WNT7B: variants seen among roughly 807,000 people sequenced by gnomAD.
WNT7B encodes protein Wnt-7b.
Under a neutral mutation model 38.2 loss-of-function variants are expected in WNT7B, and 19 were observed. That is an observed-to-expected ratio of 0.50 (90% confidence interval 0.35 to 0.73). The LOEUF is 0.73. Among genes scored for constraint, WNT7B ranks in the 30% least tolerant of loss-of-function variants. The pLI, the probability that WNT7B is intolerant of heterozygous loss-of-function variation, is 0.01. For synonymous variants in WNT7B, 243 were observed against 209.3 expected (o/e 1.16, Z -1.39); for missense variants, 423 against 507.9 (o/e 0.83, Z 1.61).
rs550046606 is a variant in WNT7B at position 45,935,368 on chromosome 22, C to T, written c.299-3999G>A. Among the ~76,000 whole-genome samples, 691 of 152,344 alleles carry T rather than the reference C, an allele frequency of 4.5e-3. 5 individuals are homozygous for T. The highest frequency in any genetic ancestry group is 0.016 in the African/African-American group (661 of 41,582). ...TCCTCGCCCACCACTGCCTGCAGCC[C>T]AGCGTGGCCTGCCTGCAGGTTGGGC... On this transcript the variant is annotated intron_variant, in intron 2 of 3. Transcript: ENST00000339464.
At chr22:45,972,116 G>GGGGGGCCCCCCCCCCCCCCCCCCCC in intron 1 of WNT7B, 3 of 530,744 alleles carry the variant, frequency 5.7e-6, no homozygotes, top group Admixed American at 4.1e-5. Flanking sequence ...CCCGGGGGGA[G>GGGGGGCCCCCCCCCCCCCCCCCCCC]CCCACCCGCC....
rs1385691456 is a variant in WNT7B, at chr22:45,975,228, G to C, written c.71+1456C>G. Among the ~76,000 whole-genome samples the C allele has an allele frequency of 6.6e-6, 1 of 152,138 alleles. No homozygotes were observed. Among genetic ancestry groups the C allele is most frequent in the Non-Finnish European group, 1.5e-5 (1 of 68,014 alleles). ...CTCAGCGCTGAGAATCAGGCTGCAGGGACAAAGCCTCATTAAGGGTTGCCA... is the reference window on the plus strand; with the variant it reads ...CTCAGCGCTGAGAATCAGGCTGCAGCGACAAAGCCTCATTAAGGGTTGCCA... On this transcript the variant is annotated intron_variant, in intron 1 of 3. Transcript: ENST00000339464. This position sits in a 1 kb window ranked among gnomAD's most constrained non-coding sequence, Gnocchi z 6.6.
In WNT7B at chr22:45,959,893, G is replaced by A. The variant is rs544495038; in HGVS notation, c.72-9747C>T. The stretch of plus-strand genomic sequence containing the variant: ...GACTTCTTCCTGGAACCCAGCTGGA[G>A]CCTGCCCGGGCCTCAGCATCCCAGA... On this transcript the variant is annotated intron_variant, in intron 1 of 3. Transcript: ENST00000339464. 4.6e-5 allele frequency among the ~76,000 whole-genome samples: 7 copies of A among 152,296 alleles called. No individual in the cohort carries two copies. In the East Asian group the frequency reaches 1.3e-3, roughly 29 times the overall value.
intron 1 of WNT7B, among the ~76,000 whole-genome samples, chr22:45,956,466 C>G (rs79700895): frequency 1.3e-5 from 2 of 152,180 alleles, no homozygotes; most frequent in South Asian, 2.1e-4. Context: ...GCCCCAAGCC[C>G]GAGACCAGCA....
chr22:45,959,796 C>T (rs1018160469), intron 1 of WNT7B, among the ~76,000 whole-genome samples: 1 of 152,124 alleles, frequency 6.6e-6, no homozygotes, highest in African/African-American at 2.4e-5. Context: ...GTGGAAGTAG[C>T]CCCCTACCCC....
intron 2 of WNT7B, among the ~76,000 whole-genome samples, chr22:45,937,698 C>T (rs1931546581): frequency 6.6e-6 from 1 of 152,246 alleles, no homozygotes; most frequent in African/African-American, 2.4e-5. Flanking sequence ...CCCGTACTTG[C>T]CCCTCTTTTT....
In WNT7B at chr22:45,968,551, G is replaced by A. The variant is rs190368065; in HGVS notation, c.71+8133C>T. The stretch of plus-strand genomic sequence containing the variant: ...ACGGGAAACCATGTTAGAAAACGGC[G>A]CATTATCCTACAGGCCTCAGTGCAC... On this transcript the variant is annotated intron_variant, in intron 1 of 3. Transcript: ENST00000339464. Among the ~76,000 whole-genome samples, 326 of 152,286 alleles carry A rather than the reference G, an allele frequency of 2.1e-3. 2 individuals are homozygous for A. The highest frequency in any genetic ancestry group is 2.3e-3 in the East Asian group (12 of 5,180).
chr22:45,923,599 A>G (rs1930994719), intron 3 of WNT7B, among the ~76,000 whole-genome samples: 1 of 152,156 alleles, frequency 6.6e-6, no homozygotes, highest in Admixed American at 6.5e-5. Flanking sequence ...ACATTTATTG[A>G]AGGTGCTTTG....
At position 45,976,638 on chromosome 22, in the gene WNT7B, T is replaced by C. The variant is rs1932557225; in HGVS notation, c.71+46A>G. 1 of 1,585,604 alleles carries C rather than the reference T, an allele frequency of 6.3e-7. No individual in the cohort carries two copies. The highest frequency in any genetic ancestry group is 8.6e-7 in the Non-Finnish European group (1 of 1,164,052). ...GGACGCCCCGGAGGCAGCTCCTTCG[T>C]GCTGTCTTGGCCCCTGGCTGCTGCC... is the stretch of plus-strand genomic sequence containing the variant. On this transcript the variant is annotated intron_variant, in intron 1 of 3. Transcript: ENST00000339464. The surrounding 1 kb of genome is among the most constrained non-coding windows in gnomAD (Gnocchi z 8.5).
rs949891813 is a variant in WNT7B, at chr22:45,966,912, C to T, written c.71+9772G>A. ...AGGCAGGGACCCTCCCCAGCATCCC[C>T]GGCCCTCACTCCTGCATCTGCTTGT... On this transcript the variant is annotated intron_variant, in intron 1 of 3. Transcript: ENST00000339464. This position sits in a 1 kb window ranked among gnomAD's most constrained non-coding sequence, Gnocchi z 4.2. 3.3e-5 allele frequency among the ~76,000 whole-genome samples: 5 copies of T among 151,722 alleles called. No individual in the cohort carries two copies. The highest frequency in any genetic ancestry group is 7.4e-5 in the Non-Finnish European group (5 of 67,926).
At chr22:45,945,748 T>A (rs1450798827) in intron 2 of WNT7B, among the ~76,000 whole-genome samples, 1 of 152,198 alleles carries the variant, frequency 6.6e-6, no homozygotes, top group African/African-American at 2.4e-5. Flanking sequence ...TACCCCGAGA[T>A]GGGTCCCTTG....
intron 1 of WNT7B, among the ~76,000 whole-genome samples, chr22:45,959,850 G>A (rs778521344): frequency 9.9e-5 from 15 of 152,106 alleles, no homozygotes; most frequent in South Asian, 4.1e-4. Flanking sequence ...AGCTCTCCGT[G>A]GGGGAGACAC....
intron 1 of WNT7B, among the ~76,000 whole-genome samples, chr22:45,953,840 G>A (rs1433135993): frequency 1.3e-5 from 2 of 152,180 alleles, no homozygotes; most frequent in Non-Finnish European, 2.9e-5. Flanking sequence ...TATAGCCACT[G>A]TAGACAATGG....
chr22:45,971,983 T>C (rs1932452638), intron 1 of WNT7B, among the ~76,000 whole-genome samples: 1 of 152,088 alleles, frequency 6.6e-6, no homozygotes, highest in African/African-American at 2.4e-5. Context: ...GTGCTCCACC[T>C]CGGCAGCTTA....
chr22:45,948,760 G>A (rs1445252521), intron 2 of WNT7B, among the ~76,000 whole-genome samples: 2 of 151,188 alleles, frequency 1.3e-5, no homozygotes, highest in East Asian at 3.9e-4. Context: ...GAGGCCCTGA[G>A]CAGCCCCGAG....
At chr22:45,929,695 C>CCCATCCCATTTTCCAT (rs141904678) in intron 3 of WNT7B, among the ~76,000 whole-genome samples, 1 of 140,262 alleles carries the variant, frequency 7.1e-6, no homozygotes, top group Admixed American at 7.0e-5. Flanking sequence ...CTTCCATCCA[C>CCCATCCCATTTTCCAT]CCATCTTTCC....
chr22:45,948,353 C>T (rs552001801), intron 2 of WNT7B, among the ~76,000 whole-genome samples: 14 of 152,138 alleles, frequency 9.2e-5, no homozygotes, highest in Non-Finnish European at 1.9e-4. Context: ...CCCCAGGGAG[C>T]GGGCGGTGCC....
intron 1 of WNT7B, chr22:45,972,145 C>T (rs1601744817): frequency 1.6e-6 from 1 of 614,272 alleles, no homozygotes. Flanking sequence ...ACGCCGCCCG[C>T]GGCACTCACA....
chr22:45,929,872 C>T (rs112799999), intron 3 of WNT7B, among the ~76,000 whole-genome samples: 2 of 117,706 alleles, frequency 1.7e-5, no homozygotes, highest in Non-Finnish European at 3.6e-5. Context: ...ATCCATCCAT[C>T]CAACCATCTA....
Sources: allele counts gnomAD v4.1 joint callset (sites outside exome capture counted in the v4.1 genomes callset), GRCh38; gene constraint gnomAD v4.1.1; non-coding constraint Gnocchi (gnomAD v3.1); transcripts MANE v1.5; gene names NCBI Gene and HGNC (gene_info 2026-07-23, HGNC 2026-07-21).